Variants in TRPC5 observed in about 807,000 individuals in gnomAD.
The protein encoded by TRPC5 is transient receptor potential cation channel subfamily C member 5.
Under a neutral mutation model 56.5 loss-of-function variants are expected in TRPC5, and 9 were observed. That is an observed-to-expected ratio of 0.16 (90% CI 0.10 to 0.28). The LOEUF (loss-of-function observed/expected upper bound fraction) is 0.28. TRPC5 is among the 10% of genes least tolerant of loss of function. The pLI is 1.00. For missense variants in TRPC5, 469 were observed against 748.9 expected (o/e 0.63, Z 4.36); for synonymous variants, 282 against 278.5 (o/e 1.01, Z -0.13).
intron 3 of TRPC5, among the ~76,000 whole-genome samples, chrX:111,900,394 T>C (rs1301970070): frequency 3.6e-5 from 4 of 111,816 alleles, no homozygotes; most frequent in Admixed American, 1.9e-4. Flanking sequence ...AGAAAAAAAC[T>C]GGTCAAAGGT....
At position 111,770,838 on chromosome X, in the gene TRPC5, C is replaced by T. The variant is rs1417330747; in HGVS notation, c.*5475G>A. On this transcript the variant is annotated 3_prime_UTR_variant, in exon 11 of 11. Transcript: ENST00000262839. Reference sequence around the variant, plus strand: ...GGAAAAGATACAAAATGGCCAATCCCAGCTTAATTGTACTTTCAAATGGCT... The same window carrying T: ...GGAAAAGATACAAAATGGCCAATCCTAGCTTAATTGTACTTTCAAATGGCT... Among the ~76,000 whole-genome samples the T allele has an allele frequency of 8.9e-6, 1 of 111,833 alleles. No homozygotes were observed. The highest frequency in any genetic ancestry group is 2.8e-4 in the East Asian group (1 of 3,574).
chrX:111,812,286 T>C (rs1415543806), intron 7 of TRPC5, among the ~76,000 whole-genome samples: 1 of 111,359 alleles, frequency 9.0e-6, no homozygotes, highest in South Asian at 3.8e-4. Context: ...AGGCAACTTT[T>C]TGTGTGTGTG....
chrX:111,833,595 G>A (rs961336162), intron 7 of TRPC5, among the ~76,000 whole-genome samples: 1 of 111,143 alleles, frequency 9.0e-6, no homozygotes, highest in East Asian at 2.8e-4. Flanking sequence ...TTTATAGTTA[G>A]GAATTTCTCC....
intron 7 of TRPC5, among the ~76,000 whole-genome samples, chrX:111,807,956 C>CTCTCTCTGTGTGTG (rs905386723): frequency 1.1e-5 from 1 of 91,927 alleles, no homozygotes; most frequent in African/African-American, 5.0e-5. Flanking sequence ...CTCTCTCTCT[C>CTCTCTCTGTGTGTG]TGTGTGTGTG....
At chrX:111,787,596 A>C (rs1458458961) in intron 7 of TRPC5, among the ~76,000 whole-genome samples, 4 of 107,566 alleles carry the variant, frequency 3.7e-5, no homozygotes, top group East Asian at 5.7e-4. Flanking sequence ...AAAAAAAAAA[A>C]CCCTTCAAAA....
At chrX:111,869,722 A>G (rs530996647) in intron 3 of TRPC5, among the ~76,000 whole-genome samples, 34 of 112,233 alleles carry the variant, frequency 3.0e-4, no homozygotes, top group African/African-American at 1.0e-3. Context: ...GTGCAACAGA[A>G]TTAAGACTAA....
chrX:112,009,898 C>T (rs963646854), intron 1 of TRPC5, among the ~76,000 whole-genome samples: 5 of 110,931 alleles, frequency 4.5e-5, no homozygotes, highest in African/African-American at 9.9e-5. Flanking sequence ...CTAATGTAAA[C>T]GACGAGTTAA....
intron 1 of TRPC5, among the ~76,000 whole-genome samples, chrX:112,047,092 A>T (rs1327524026): frequency 9.0e-6 from 1 of 111,315 alleles, no homozygotes; most frequent in African/African-American, 3.3e-5. Context: ...GTATGTAGCA[A>T]AGTTCTTAAG....
At chrX:111,806,243 T>G (rs1022229362) in intron 7 of TRPC5, among the ~76,000 whole-genome samples, 9 of 111,873 alleles carry the variant, frequency 8.0e-5, no homozygotes, top group Non-Finnish European at 1.7e-4. Flanking sequence ...CCACAAACAT[T>G]TATTATCCCA....
intron 6 of TRPC5, among the ~76,000 whole-genome samples, chrX:111,844,782 A>G (rs752026518): frequency 1.8e-5 from 2 of 109,771 alleles, no homozygotes; most frequent in East Asian, 2.9e-4. Flanking sequence ...TTCTTTTTTT[A>G]TGTGGAAGAA....
At position 112,006,853 on chromosome X, in the gene TRPC5, A is replaced by G. The variant is rs778096500; in HGVS notation, c.-21-54412T>C. Among the ~76,000 whole-genome samples the G allele has an allele frequency of 3.6e-5, 4 of 111,925 alleles. No homozygotes were observed. In the East Asian group the frequency reaches 1.1e-3, roughly 32 times the overall value. On this transcript the variant is annotated intron_variant, in intron 1 of 10. Transcript: ENST00000262839. ...TGGGGAGAAACAGGCAGGAGTGGCT[A>G]CATAATTTGCAGGGCCCAGTGCAAA...
At chrX:111,972,137 C>T (rs1927802384) in intron 1 of TRPC5, among the ~76,000 whole-genome samples, 1 of 111,734 alleles carries the variant, frequency 8.9e-6, no homozygotes, top group East Asian at 2.8e-4. Context: ...TACAATTACC[C>T]TGTCTTGCAT....
intron 1 of TRPC5, among the ~76,000 whole-genome samples, chrX:111,983,836 G>A (rs1928142800): frequency 9.0e-6 from 1 of 111,513 alleles, no homozygotes; most frequent in Non-Finnish European, 1.9e-5. Flanking sequence ...TGTGTCAACT[G>A]ATAATAGAGA....
intron 1 of TRPC5, among the ~76,000 whole-genome samples, chrX:112,018,977 C>G (rs1277599276): frequency 3.6e-5 from 4 of 112,560 alleles, no homozygotes; most frequent in African/African-American, 1.3e-4. Flanking sequence ...TCCAAGTCAG[C>G]TGGATCCTGT....
intron 2 of TRPC5, among the ~76,000 whole-genome samples, chrX:111,944,304 G>GTGTGTGAGAA (rs1556592186): frequency 1.3e-3 from 93 of 70,242 alleles, no homozygotes; most frequent in African/African-American, 5.4e-3. Context: ...GTGTGTGTGT[G>GTGTGTGAGAA]AGAGAGAGAG....
Position 111,847,289 on chromosome X carries a change from A to G in TRPC5, c.1525T>C (p.Ser509Pro). 1 of 1,211,472 alleles carries G rather than the reference A, an allele frequency of 8.3e-7. No homozygotes were observed. Among genetic ancestry groups the G allele is most frequent in the Non-Finnish European group, 1.1e-6 (1 of 895,555 alleles). Residue 509 changes from serine to proline, a missense_variant, in exon 6 of 11, where the codon TCT (serine) becomes CCT (proline). Physicochemically the swap from Ser to Pro is moderately conservative, Grantham distance 74 (BLOSUM62 -1). Around this residue, in one of 3 missense-constraint regions of TRPC5, gnomAD observed 157 missense variants for 360.0 expected, o/e 0.44. Coordinates refer to ENST00000262839, the MANE Select transcript of TRPC5 (RefSeq NM_012471.3). ...ATATCAAGCAGCATGCGTCCCAAAG[A>G]GATCTGCAGAGGTCCTAAGTGGGAG... ...ANSHLGPLQI[S>P]LGRMLLDILK...
At chrX:111,787,825 A>C (rs2148553234) in intron 7 of TRPC5, among the ~76,000 whole-genome samples, 1 of 111,791 alleles carries the variant, frequency 8.9e-6, no homozygotes, top group Non-Finnish European at 1.9e-5. Flanking sequence ...GAAATGGATA[A>C]ATTCCTCGAC....
rs765602108 is a variant in TRPC5 at position 111,772,427 on chromosome X, C to G, written c.*3886G>C. 9.0e-6 allele frequency among the ~76,000 whole-genome samples: 1 copy of G among 111,421 alleles called. No individual in the cohort carries two copies. Among genetic ancestry groups the G allele is most frequent in the Non-Finnish European group, 1.9e-5 (1 of 53,094 alleles). On this transcript the variant is annotated 3_prime_UTR_variant, in exon 11 of 11. Coordinates refer to ENST00000262839, the MANE Select transcript of TRPC5 (RefSeq NM_012471.3). ...TACCAAGAAAATATACTCAATTTTT[C>G]TTAGGTACCTTTATTTATTTATTTT...
intron 7 of TRPC5, among the ~76,000 whole-genome samples, chrX:111,791,811 C>A (rs1276159492): frequency 1.8e-5 from 2 of 112,045 alleles, no homozygotes; most frequent in African/African-American, 6.5e-5. Context: ...GGAAGTGATA[C>A]CCTGTGAGGA....
Sources: allele counts gnomAD v4.1 joint callset (sites outside exome capture counted in the v4.1 genomes callset), GRCh38; gene constraint gnomAD v4.1.1; regional missense constraint gnomAD v4.1.1; transcripts MANE v1.5; gene names NCBI Gene and HGNC (gene_info 2026-07-23, HGNC 2026-07-21).